The following SPATA6L variants were observed in gnomAD, a reference collection of about 807,000 sequenced individuals.
The protein encoded by SPATA6L is spermatogenesis associated 6-like protein.
In SPATA6L, 68 loss-of-function variants were observed where a neutral mutation model predicts 49.2. The ratio of observed to expected loss-of-function variants is 1.38; its 90% CI spans 1.14 to 1.69. The LOEUF is 1.69. Ranked by LOEUF, SPATA6L falls within the 40% of genes most tolerant of loss-of-function variation. The pLI is 0.00. For missense variants in SPATA6L, 668 were observed against 464.3 expected (o/e 1.44, Z -4.03); for synonymous variants, 198 against 165.7 (o/e 1.19, Z -1.50).
At chr9:4,629,751 A>G (rs1447874399) in intron 4 of SPATA6L, among the ~76,000 whole-genome samples, 2 of 106,926 alleles carry the variant, frequency 1.9e-5, no homozygotes, top group South Asian at 3.1e-4. Context: ...ATTGTGTTTT[A>G]TATATGTGTG....
At chr9:4,637,177 C>T (rs1466361131) in intron 3 of SPATA6L, among the ~76,000 whole-genome samples, 1 of 152,110 alleles carries the variant, frequency 6.6e-6, no homozygotes, top group African/African-American at 2.4e-5. Flanking sequence ...CATCCCTTAC[C>T]CTTCTTGCTG....
chr9:4,594,676 G>A (rs1005337791), downstream of SPATA6L, among the ~76,000 whole-genome samples: 2 of 152,160 alleles, frequency 1.3e-5, no homozygotes, highest in African/African-American at 4.8e-5. Flanking sequence ...GGGAGCCCCT[G>A]AGTGAACAGT....
At chr9:4,660,000 C>G (rs552354827) in intron 2 of SPATA6L, among the ~76,000 whole-genome samples, 2 of 152,202 alleles carry the variant, frequency 1.3e-5, no homozygotes, top group African/African-American at 4.8e-5. Context: ...AAACTGGATC[C>G]TTTCCTTACA....
chr9:4,647,447 C>G (rs1195442588), intron 3 of SPATA6L, among the ~76,000 whole-genome samples: 1 of 152,058 alleles, frequency 6.6e-6, no homozygotes. Context: ...CAAAAATTAG[C>G]CAGGCATGGT....
At chr9:4,621,067 C>T (rs1165645460) in intron 7 of SPATA6L, among the ~76,000 whole-genome samples, 1 of 152,164 alleles carries the variant, frequency 6.6e-6, no homozygotes, top group South Asian at 2.1e-4. Flanking sequence ...AAATGTAAAC[C>T]TTTAAGCCTA....
intron 3 of SPATA6L, among the ~76,000 whole-genome samples, chr9:4,643,435 G>T (rs1412466189): frequency 6.6e-6 from 1 of 152,102 alleles, no homozygotes; most frequent in Non-Finnish European, 1.5e-5. Context: ...AGTTTAAAAG[G>T]CATGGTTCAA....
At chr9:4,663,892 G>A (rs1214093058) in intron 1 of SPATA6L, 1 of 166,966 alleles carries the variant, frequency 6.0e-6, no homozygotes, top group Non-Finnish European at 1.5e-5. Flanking sequence ...ATCGGGTAGT[G>A]GGAAAAGAGA....
rs914834298 is a variant in SPATA6L at position 4,662,259 on chromosome 9, C to T, written c.40-223G>A. Reference sequence around the variant, plus strand: ...CTCCACCAGGTGTCACAATCGCGCTCTCGCCGGCTCCTCTCCCCGCCCCTC... The same window carrying T: ...CTCCACCAGGTGTCACAATCGCGCTTTCGCCGGCTCCTCTCCCCGCCCCTC... On this transcript the variant is annotated intron_variant, in intron 1 of 11. Transcript: ENST00000682582. This position sits in a 1 kb window ranked among gnomAD's most constrained non-coding sequence, Gnocchi z 4.9. The T allele has an allele frequency of 1.4e-6, 2 of 1,434,134 alleles. No individual in the cohort carries two copies. The highest frequency in any genetic ancestry group is 1.8e-6 in the Non-Finnish European group (2 of 1,099,624). The allele number at this position is 1,434,134 out of a possible 1,614,324, so 88.8% of individuals were successfully genotyped here.
intron 9 of SPATA6L, among the ~76,000 whole-genome samples, chr9:4,606,315 C>A (rs1454623071): frequency 7.0e-6 from 1 of 143,030 alleles, no homozygotes; most frequent in African/African-American, 2.7e-5. Flanking sequence ...GGAGGCCTGC[C>A]TGCCTCTGTA....
chr9:4,659,606 G>A (rs200650544), intron 2 of SPATA6L, among the ~76,000 whole-genome samples: 1 of 152,106 alleles, frequency 6.6e-6, no homozygotes, highest in African/African-American at 2.4e-5. Flanking sequence ...ATACTGCCCA[G>A]GGTAATTTAT....
chr9:4,633,216 C>A, intron 4 of SPATA6L: 1 of 156,314 alleles, frequency 6.4e-6, no homozygotes, highest in South Asian at 1.8e-4. Context: ...AAGTTTTCCC[C>A]ATAAAGCAGA....
chr9:4,665,412 G>C (rs1840713745), intron 1 of SPATA6L, among the ~76,000 whole-genome samples: 1 of 152,182 alleles, frequency 6.6e-6, no homozygotes, highest in Non-Finnish European at 1.5e-5. Flanking sequence ...TTTGCTGTCA[G>C]CAAAGTGGGA....
chr9:4,628,437 T>C (rs1181025314), intron 5 of SPATA6L: 1 of 151,906 alleles, frequency 6.6e-6, no homozygotes, highest in African/African-American at 2.4e-5. Flanking sequence ...ATGTTTATTA[T>C]TTATTTATTT....
intron 4 of SPATA6L, chr9:4,633,240 T>C (rs772893276): frequency 6.4e-6 from 1 of 157,210 alleles, no homozygotes; most frequent in African/African-American, 2.4e-5. Flanking sequence ...TCTTGACCCA[T>C]GGCCAAGTCT....
chr9:4,593,353 C>G (rs1822029394), downstream of SPATA6L, among the ~76,000 whole-genome samples: 1 of 152,172 alleles, frequency 6.6e-6, no homozygotes, highest in Non-Finnish European at 1.5e-5. Flanking sequence ...CCCACCTCAT[C>G]TAGCTGCCCA....
intron 7 of SPATA6L, among the ~76,000 whole-genome samples, chr9:4,621,019 G>C (rs148553011): frequency 1.8e-4 from 28 of 152,270 alleles, no homozygotes; most frequent in Admixed American, 3.9e-4. Context: ...AAGAACACTG[G>C]CTTAAGTTTC....
In SPATA6L at chr9:4,666,423, C is replaced by T. The variant is rs749188959; in HGVS notation, c.-173G>A. ...CCAGCCCAGGTCCCTCCCACCGGGA[C>T]GGGTCTCTCACACTCGAAGCTGGAG... On this transcript the variant is annotated 5_prime_UTR_variant, in exon 1 of 12. Coordinates refer to ENST00000682582, the MANE Select transcript of SPATA6L (RefSeq NM_001353486.2). 1.3e-4 allele frequency: 91 copies of T among 675,970 alleles called. No individual in the cohort carries two copies. The highest frequency in any genetic ancestry group is 2.3e-4 in the Non-Finnish European group (87 of 379,776). 41.9% of individuals were successfully genotyped at this position (675,970 alleles called of 1,614,324 possible).
rs753115498 is a variant in SPATA6L at position 4,662,331 on chromosome 9, T to A, written c.40-295A>T. ...GAAGAGGCTGCAGGGCCGGGAAGCC[T>A]CTGTTTGGTCCGGCCAGGTCCCGGG... On this transcript the variant is annotated intron_variant, in intron 1 of 11. Transcript: ENST00000682582. The surrounding 1 kb of genome is among the most constrained non-coding windows in gnomAD (Gnocchi z 4.9). The A allele has an allele frequency of 1.1e-5, 16 of 1,455,030 alleles. No individual in the cohort carries two copies. The highest frequency in any genetic ancestry group is 1.3e-5 in the Non-Finnish European group (14 of 1,110,326). The allele number at this position is 1,455,030 out of a possible 1,614,324, so 90.1% of individuals were successfully genotyped here. A position where few individuals can be genotyped will look rare whatever the true frequency, so the allele number is the denominator to read the frequency against.
At position 4,591,956 on chromosome 9, in the gene SPATA6L, C is replaced by T. The variant is rs571569418; in HGVS notation, c.*255-2995G>A. 9.9e-5 allele frequency among the ~76,000 whole-genome samples: 15 copies of T among 152,280 alleles called. No individual in the cohort carries two copies. The South Asian group carries it at 1.2e-3, about 13-fold the overall frequency. On this transcript the variant is annotated intron_variant and NMD_transcript_variant, in intron 13 of 13. Coordinates refer to the SPATA6L transcript ENST00000461761. ...GTGTTGACCTAACAGCTGAAGGTATCCCCTGAGCCTCCCTGCCAGGATGAG... is the reference window on the plus strand; with the variant it reads ...GTGTTGACCTAACAGCTGAAGGTATTCCCTGAGCCTCCCTGCCAGGATGAG...
Sources: gnomAD v4.1 joint callset for allele counts (sites outside exome capture counted in the v4.1 genomes callset) on GRCh38, gnomAD v4.1.1 for gene constraint, Gnocchi (gnomAD v3.1) non-coding constraint, MANE v1.5 for transcripts, NCBI Gene and HGNC (gene_info 2026-07-23, HGNC 2026-07-21) for gene names.